Variants in PFKP observed in about 807,000 individuals in gnomAD.
The protein encoded by PFKP is ATP-dependent 6-phosphofructokinase, platelet type.
A neutral mutation model predicts 94.3 loss-of-function variants in PFKP; 101 were observed. The observed-to-expected ratio is 1.07, with a 90% CI of 0.91 to 1.26. The LOEUF (loss-of-function observed/expected upper bound fraction) is 1.26, where lower values mean the gene tolerates loss of function less well. Among genes scored for constraint, PFKP ranks in the 50% most tolerant of loss-of-function variants. The pLI, the probability that PFKP is intolerant of heterozygous loss-of-function variation, is 0.00. For missense variants in PFKP, 1,145 were observed against 1,103.3 expected, an observed-to-expected ratio of 1.04 and a Z score of -0.53; for synonymous variants, 573 against 432.6, an observed-to-expected ratio of 1.32 and a Z score of -4.03.
At chr10:3,089,194 A>G (rs757988455) in intron 2 of PFKP, among the ~76,000 whole-genome samples, 1 of 152,120 alleles carries the variant, frequency 6.6e-6, no homozygotes, top group Non-Finnish European at 1.5e-5. Flanking sequence ...TGGGCCTCCC[A>G]AAGTGCCGGG....
At position 3,136,650 on chromosome 10, in the gene PFKP, C is replaced by T. The variant is rs1839405524; in HGVS notation, c.*71C>T. 1 of 1,537,674 alleles carries T rather than the reference C, an allele frequency of 6.5e-7. No individual in the cohort carries two copies. Among genetic ancestry groups the T allele is most frequent in the Non-Finnish European group, 8.9e-7 (1 of 1,122,782 alleles). ...TTTTGTAACACTTAAGTTATTTTAT[C>T]AGCACTTTATGCACGTATTATTGAC... On this transcript the variant is annotated 3_prime_UTR_variant, in exon 22 of 22. Transcript: ENST00000381125.
chr10:3,069,389 G>A (rs1832012232), intron 1 of PFKP: 3 of 1,587,672 alleles, frequency 1.9e-6, no homozygotes, highest in Non-Finnish European at 2.6e-6. Context: ...GAGATGTGCG[G>A]GTACGAATGG....
chr10:3,131,521 A>G (rs1395850603), intron 17 of PFKP, among the ~76,000 whole-genome samples: 1 of 151,994 alleles, frequency 6.6e-6, no homozygotes, highest in Non-Finnish European at 1.5e-5. Context: ...TAGTGGCACA[A>G]TCTCGGCTCA....
At position 3,110,988 on chromosome 10, in the gene PFKP, G is replaced by A. The variant is rs537448116; in HGVS notation, c.1090-1234G>A. On this transcript the variant is annotated intron_variant, in intron 10 of 21. Coordinates refer to ENST00000381125, the MANE Select transcript of PFKP (RefSeq NM_002627.5). ...TGTGTGCATGTGTGTATATGCATGT[G>A]TACATTTGAGTGTGAGGTAGTATGT... Among the ~76,000 whole-genome samples, 839 of 152,108 alleles carry A rather than the reference G, an allele frequency of 5.5e-3. 10 individuals carry two copies. Among genetic ancestry groups the A allele is most frequent in the African/African-American group, 0.02 (814 of 41,468 alleles).
chr10:3,134,445 G>A (rs1838975881), intron 19 of PFKP, 38 bp from the exon 20 acceptor site: 2 of 1,114,348 alleles, frequency 1.8e-6, no homozygotes, highest in Non-Finnish European at 2.7e-6. Flanking sequence ...AAGTGTTACT[G>A]TATAACTGGT....
At chr10:3,129,788 C>G (rs373188817) in intron 16 of PFKP, 31 bp from the exon 17 acceptor site, 13 of 1,611,172 alleles carry the variant, frequency 8.1e-6, no homozygotes, top group Non-Finnish European at 1.0e-5. Context: ...CGGGCCTGGG[C>G]TGGAGTGACT....
chr10:3,131,143 AAT>A (rs1268602830), intron 17 of PFKP, among the ~76,000 whole-genome samples: 1 of 152,084 alleles, frequency 6.6e-6, no homozygotes, highest in African/African-American at 2.4e-5. Flanking sequence ...TTTATCAAAA[AAT>A]ATGTATCTCT....
At chr10:3,074,680 A>G (rs569520123) in intron 1 of PFKP, among the ~76,000 whole-genome samples, 13 of 152,230 alleles carry the variant, frequency 8.5e-5, no homozygotes, top group Non-Finnish European at 1.8e-4. Flanking sequence ...AAGGTAGAGC[A>G]TGTGAGCTCC....
chr10:3,070,696 A>G (rs1220491374), intron 1 of PFKP, among the ~76,000 whole-genome samples: 2 of 152,188 alleles, frequency 1.3e-5, no homozygotes, highest in Non-Finnish European at 2.9e-5. Flanking sequence ...TGATTGTGAT[A>G]GGAGCAAAAC....
rs772320877 is a variant in PFKP at position 3,112,256 on chromosome 10, G to C, written c.1124G>C (p.Arg375Thr). The C allele has an allele frequency of 6.2e-7, 1 of 1,614,016 alleles. No homozygotes were observed. ...QDVQKAMDERRFQDAVRLRGR... is the reference protein window; with the variant it reads ...QDVQKAMDERTFQDAVRLRGR... The stretch of plus-strand genomic sequence containing the variant: ...GTGCAGAAGGCGATGGACGAGAGGA[G>C]ATTTCAAGATGCGGTTCGACTCCGA... The change falls in exon 11 of 22, where the codon AGA (arginine) becomes ACA (threonine). Residue 375 changes from arginine to threonine, a missense_variant. By Grantham distance (71) the Arg-to-Thr change is moderately conservative (BLOSUM62 -1). Transcript: ENST00000381125.
chr10:3,076,634 G>A (rs1321639965), intron 1 of PFKP, among the ~76,000 whole-genome samples: 1 of 151,966 alleles, frequency 6.6e-6, no homozygotes, highest in African/African-American at 2.4e-5. Flanking sequence ...TGTGTTTCTT[G>A]CTTTCGGGTC....
intron 2 of PFKP, among the ~76,000 whole-genome samples, chr10:3,098,806 G>A (rs1834721498): frequency 6.6e-6 from 1 of 151,992 alleles, no homozygotes. Context: ...ATTCAGCTGT[G>A]CTGTTTAATA....
chr10:3,086,936 C>A (rs1040153702), intron 2 of PFKP, among the ~76,000 whole-genome samples: 2 of 152,114 alleles, frequency 1.3e-5, no homozygotes, highest in Admixed American at 1.3e-4. Flanking sequence ...ATGGAACACA[C>A]TGGGAGGCCT....
At chr10:3,092,355 G>T (rs1256264661) in intron 2 of PFKP, among the ~76,000 whole-genome samples, 1 of 152,194 alleles carries the variant, frequency 6.6e-6, no homozygotes, top group Non-Finnish European at 1.5e-5. Flanking sequence ...TAGAGAGGAG[G>T]ATGTAGATAG....
chr10:3,112,899 G>A (rs1836396225), intron 11 of PFKP, among the ~76,000 whole-genome samples: 1 of 152,226 alleles, frequency 6.6e-6, no homozygotes. Context: ...GTGTAGAAGC[G>A]TGCCCTTTTC....
intron 2 of PFKP, among the ~76,000 whole-genome samples, chr10:3,097,887 T>C (rs890751548): frequency 1.3e-4 from 20 of 152,224 alleles, no homozygotes; most frequent in Admixed American, 1.3e-4. Context: ...TGTGTTCCTG[T>C]AATCCCAAGT....
chr10:3,079,632 C>T lies in PFKP; in HGVS notation c.113-2756C>T, dbSNP rs180828971. ...TCTTCATCATTCCTTTATGAAAGAC[C>T]GGTGGGAACGAGGTCTTCAGAGAGC... On this transcript the variant is annotated intron_variant, in intron 1 of 21. Coordinates refer to ENST00000381125, the MANE Select transcript of PFKP (RefSeq NM_002627.5). Among the ~76,000 whole-genome samples the T allele has an allele frequency of 2.5e-4, 24 of 96,410 alleles. 1 individual carries two copies. In the East Asian group the frequency reaches 5.4e-3, roughly 21 times the overall value. The allele number at this position is 96,410 out of a possible 152,430, so 63.2% of individuals were successfully genotyped here. A position where few individuals can be genotyped will look rare whatever the true frequency, so the allele number is the denominator to read the frequency against.
chr10:3,115,401 GGGGTGAAGGTGTGTGTCCCGCCA>G (rs1564327331), intron 13 of PFKP, among the ~76,000 whole-genome samples: 68 of 78,382 alleles, frequency 8.7e-4, no homozygotes, highest in Admixed American at 1.5e-3. Context: ...TGGGGATGCC[GGGGTGAAGGTGTGTGTCCCGCCA>G]TGGAGGACAG....
chr10:3,134,136 T>G (rs1838929303), intron 19 of PFKP, among the ~76,000 whole-genome samples: 1 of 152,246 alleles, frequency 6.6e-6, no homozygotes, highest in African/African-American at 2.4e-5. Context: ...AGTAGGCATA[T>G]GTGTGATCTT....
Sources: gnomAD v4.1 joint callset for allele counts (sites outside exome capture counted in the v4.1 genomes callset) on GRCh38, gnomAD v4.1.1 for gene constraint, MANE v1.5 for transcripts, NCBI Gene and HGNC (gene_info 2026-07-23, HGNC 2026-07-21) for gene names.